UTY: variants seen among roughly 807,000 people sequenced by gnomAD.
UTY encodes ubiquitously transcribed tetratricopeptide repeat containing, Y-linked.
Under a neutral mutation model 32.5 loss-of-function variants are expected in UTY, and 12 were observed. The observed-to-expected ratio is 0.37, with a 90% CI of 0.24 to 0.60. The LOEUF is 0.60. UTY is among the 20% of genes least tolerant of loss of function. The pLI is 0.69. For missense variants in UTY, 303 were observed against 299.2 expected, an observed-to-expected ratio of 1.01 and a Z score of -0.09; for synonymous variants, 131 against 103.4, an observed-to-expected ratio of 1.27 and a Z score of -1.62.
Position 13,249,218 on chromosome Y carries a change from C to T in UTY, c.*638G>A. ...CACAAATATTTTCAGGCAATAAATA[C>T]GTATTTATAAATAGTGTAAATCTGT... On this transcript the variant is annotated 3_prime_UTR_variant, in exon 30 of 30. Coordinates refer to ENST00000545955, the MANE Select transcript of UTY (RefSeq NM_001258249.2). 5.1e-5 allele frequency: 2 copies of T among 39,572 alleles called. No homozygotes were observed. Among genetic ancestry groups the T allele is most frequent in the South Asian group, 6.2e-4 (1 of 1,623 alleles). 9.9% of individuals were successfully genotyped at this position (39,572 alleles called of 400,897 possible). A position where few individuals can be genotyped will look rare whatever the true frequency, so the allele number is the denominator to read the frequency against.
chrY:13,277,393 C>G (rs570403234), intron 27 of UTY, among the ~76,000 whole-genome samples: 6 of 33,571 alleles, frequency 1.8e-4, no homozygotes, highest in African/African-American at 7.0e-4. Flanking sequence ...CCAAACTGAT[C>G]AACTATTTAC....
chrY:13,335,468 T>C, intron 18 of UTY, 95 bp downstream of exon 18: 3 of 287,386 alleles, frequency 1.0e-5, no homozygotes, highest in African/African-American at 6.9e-5. Context: ...CTTTTGAGCA[T>C]GTTACATTTC....
intron 8 of UTY, among the ~76,000 whole-genome samples, chrY:13,370,254 C>T: frequency 2.9e-5 from 1 of 34,385 alleles, no homozygotes; most frequent in Non-Finnish European, 7.3e-5. Flanking sequence ...GTGGCTTGTA[C>T]TTATAATCTC....
At chrY:13,433,094 CA>C (rs2074182665) in intron 4 of UTY, among the ~76,000 whole-genome samples, 8 of 33,326 alleles carry the variant, frequency 2.4e-4, no homozygotes, top group African/African-American at 5.8e-4. Context: ...AGATTTGAGG[CA>C]AAAAGACATT....
chrY:13,398,948 A>G, intron 6 of UTY, among the ~76,000 whole-genome samples: 1 of 33,035 alleles, frequency 3.0e-5, no homozygotes, highest in Non-Finnish European at 7.5e-5. Flanking sequence ...GACCTCGAGC[A>G]CTGAAAACAG....
intron 10 of UTY, among the ~76,000 whole-genome samples, chrY:13,365,672 A>G (rs2064065852): frequency 1.2e-4 from 4 of 32,179 alleles, no homozygotes; most frequent in Non-Finnish European, 3.0e-4. Flanking sequence ...TTTTAATTAA[A>G]TTACGATTAT....
intron 3 of UTY, among the ~76,000 whole-genome samples, chrY:13,461,581 A>T (rs2077372186): frequency 3.0e-5 from 1 of 33,538 alleles, no homozygotes; most frequent in Non-Finnish European, 7.4e-5. Context: ...TTTTAAAAGC[A>T]TAAAAAGAAA....
chrY:13,235,415 G>A (rs3901244), intron 28 of UTY, among the ~76,000 whole-genome samples: 2,392 of 33,489 alleles, frequency 0.071, no homozygotes, highest in Non-Finnish European at 0.11. Context: ...GGAGGGCGGC[G>A]CCCCCACTTG....
intron 4 of UTY, among the ~76,000 whole-genome samples, chrY:13,446,517 C>T (rs2075751011): frequency 3.4e-5 from 1 of 29,087 alleles, no homozygotes; most frequent in Admixed American, 3.3e-4. Context: ...ATTGCTTGAG[C>T]CCAGAAGTTC....
At chrY:13,474,822 C>A (rs961914480) in intron 2 of UTY, among the ~76,000 whole-genome samples, 6 of 33,616 alleles carry the variant, frequency 1.8e-4, no homozygotes, top group African/African-American at 7.0e-4. Flanking sequence ...TAGTCTTGAA[C>A]TTCTGGACTC....
At chrY:13,441,934 A>C (rs2075222604) in intron 4 of UTY, among the ~76,000 whole-genome samples, 3 of 33,831 alleles carry the variant, frequency 8.9e-5, no homozygotes, top group Non-Finnish European at 2.2e-4. Context: ...AAGATATAGA[A>C]ATAGGGGATT....
At chrY:13,453,681 T>C in intron 3 of UTY, among the ~76,000 whole-genome samples, 2 of 33,664 alleles carry the variant, frequency 5.9e-5, no homozygotes, top group Non-Finnish European at 1.5e-4. Flanking sequence ...ATACTCAACA[T>C]TGTTAGTCAT....
intron 27 of UTY, among the ~76,000 whole-genome samples, chrY:13,283,180 C>T (rs2057142344): frequency 2.9e-5 from 1 of 34,229 alleles, no homozygotes; most frequent in Non-Finnish European, 7.3e-5. Context: ...CCCATTCCAT[C>T]GGAGTGGAAG....
intron 4 of UTY, among the ~76,000 whole-genome samples, chrY:13,435,683 T>C: frequency 3.0e-5 from 1 of 33,276 alleles, no homozygotes; most frequent in Non-Finnish European, 7.4e-5. Flanking sequence ...TTTTGGAGAG[T>C]TCGACAAGAG....
chrY:13,277,397 T>C, intron 27 of UTY, among the ~76,000 whole-genome samples: 5 of 33,588 alleles, frequency 1.5e-4, no homozygotes, highest in Non-Finnish European at 3.7e-4. Context: ...ACTGATCAAC[T>C]ATTTACACAC....
intron 3 of UTY, among the ~76,000 whole-genome samples, chrY:13,452,303 G>A (rs947926832): frequency 3.0e-5 from 1 of 32,846 alleles, no homozygotes; most frequent in Non-Finnish European, 7.5e-5. Flanking sequence ...AACCCATGAG[G>A]CGGACGCTGC....
chrY:13,242,929 T>C (rs2053918890), intron 28 of UTY, among the ~76,000 whole-genome samples: 2 of 33,095 alleles, frequency 6.0e-5, no homozygotes, highest in Non-Finnish European at 1.5e-4. Context: ...TGAAACTCGA[T>C]CCCTTTACTT....
intron 8 of UTY, among the ~76,000 whole-genome samples, chrY:13,386,840 G>A: frequency 6.2e-5 from 2 of 32,387 alleles, no homozygotes; most frequent in African/African-American, 1.2e-4. Flanking sequence ...AAACTTAGCC[G>A]GGGATGGTGG....
chrY:13,427,494 T>C (rs935428444), intron 4 of UTY, among the ~76,000 whole-genome samples: 6 of 32,770 alleles, frequency 1.8e-4, no homozygotes, highest in African/African-American at 7.2e-4. Flanking sequence ...GAAACAAAAA[T>C]ATAAAAAGAC....
Sources: allele counts gnomAD v4.1 joint callset (sites outside exome capture counted in the v4.1 genomes callset), GRCh38; gene constraint gnomAD v4.1.1; transcripts MANE v1.5; gene names NCBI Gene and HGNC (gene_info 2026-07-23, HGNC 2026-07-21).